The following TSPAN32 variants were observed in gnomAD, a reference collection of about 807,000 sequenced individuals.
TSPAN32 encodes the protein tetraspanin 32.
A neutral mutation model predicts 42.7 loss-of-function variants in TSPAN32; 47 were observed. That is an observed-to-expected ratio of 1.10 (90% CI 0.87 to 1.40). The LOEUF (loss-of-function observed/expected upper bound fraction) is 1.40, where lower values mean the gene tolerates loss of function less well. TSPAN32 is among the 40% of genes most tolerant of loss of function. The pLI is 0.00. For synonymous variants in TSPAN32, 175 were observed against 175.9 expected (o/e 0.99, Z 0.04); for missense variants, 469 against 424.1 (o/e 1.11, Z -0.93).
intron 7 of TSPAN32, 45 bp from the exon 8 acceptor site, chr11:2,316,531 C>A: frequency 1.9e-6 from 3 of 1,609,876 alleles, no homozygotes; most frequent in African/African-American, 1.3e-5. Context: ...GGAGGGGCGC[C>A]CGCACCCTGG....
intron 1 of TSPAN32, 122 bp from the exon 2 acceptor site, chr11:2,302,722 G>A (rs1195162051): frequency 2.6e-6 from 2 of 770,648 alleles, no homozygotes; most frequent in Non-Finnish European, 4.3e-6. Flanking sequence ...AATCCCTGCA[G>A]CTGAGCCTGT....
Position 2,313,821 on chromosome 11 carries a change from G to GGC in TSPAN32, c.456+69_456+70dup. 3 of 1,287,636 alleles carry GGC rather than the reference G, an allele frequency of 2.3e-6. No homozygotes were observed. The highest frequency in any genetic ancestry group is 3.2e-6 in the Non-Finnish European group (3 of 924,300). The allele number at this position is 1,287,636 out of a possible 1,614,324, so 79.8% of individuals were successfully genotyped here. ...TGCTTGGACTGCAGTTCAGAGAACA[G>GGC]GCGCAGGGTGGCCAGTGAGAGGTCT... On this transcript the variant is annotated intron_variant, in intron 5 of 9. Transcript: ENST00000182290. This position sits in a 1 kb window ranked among gnomAD's most constrained non-coding sequence, Gnocchi z 9.1.
intron 6 of TSPAN32, 51 bp downstream of exon 6, chr11:2,314,622 A>T: frequency 6.8e-7 from 1 of 1,481,430 alleles, no homozygotes. Context: ...GGGGCTGGAC[A>T]CCCTGGGGCC....
chr11:2,308,191 G>A (rs1029227799), intron 3 of TSPAN32, among the ~76,000 whole-genome samples: 1 of 152,134 alleles, frequency 6.6e-6, no homozygotes, highest in Non-Finnish European at 1.5e-5. Flanking sequence ...CCCAAAAAGC[G>A]CAGGGGAAGG....
chr11:2,318,066 C>A lies in TSPAN32; in HGVS notation c.*142C>A. On this transcript the variant is annotated 3_prime_UTR_variant, in exon 10 of 10. Coordinates refer to ENST00000182290, the MANE Select transcript of TSPAN32 (RefSeq NM_139022.3). This position sits in a 1 kb window ranked among gnomAD's most constrained non-coding sequence, Gnocchi z 4.2. ...AGTCCTTGTCCCTGGTCCTGTGGTC[C>A]CTCCACCTTCAAACCAGCAATGGTG... 1 of 585,978 alleles carries A rather than the reference C, an allele frequency of 1.7e-6. No individual in the cohort carries two copies. The allele number at this position is 585,978 out of a possible 1,614,324, so 36.3% of individuals were successfully genotyped here.
chr11:2,309,280 C>G, intron 4 of TSPAN32: 1 of 454,832 alleles, frequency 2.2e-6, no homozygotes, highest in Non-Finnish European at 4.7e-6. Context: ...TGGAGACCCG[C>G]GGACTGGGGT....
At position 2,311,889 on chromosome 11, in the gene TSPAN32, C is replaced by T. The variant is rs553197715; in HGVS notation, c.355-1765C>T. On this transcript the variant is annotated intron_variant, in intron 4 of 9. Transcript: ENST00000182290. ...GAAGCATCACCTAGGAGCCCAGGCC[C>T]CGTGGAGAGCAGCCGGCCCGGCCTC... is the stretch of plus-strand genomic sequence containing the variant. Among the ~76,000 whole-genome samples the T allele has an allele frequency of 3.3e-5, 5 of 152,366 alleles. No individual in the cohort carries two copies. In the East Asian group the frequency reaches 7.7e-4, roughly 23 times the overall value.
intron 6 of TSPAN32, chr11:2,315,396 A>T (rs1481328569): frequency 5.3e-6 from 6 of 1,136,208 alleles, no homozygotes; most frequent in Non-Finnish European, 6.5e-6. Context: ...CATTGGGGGC[A>T]GGGCTAACAG....
In TSPAN32 at chr11:2,314,702, T is replaced by C. The variant is rs560046341; in HGVS notation, c.543+131T>C. On this transcript the variant is annotated intron_variant, in intron 6 of 9. Transcript: ENST00000182290. ...TCCCCAGACCCTTGGGAACTGCCGC[T>C]GAAGGGCTCAGGGAAGGTTCTGATG... is the stretch of plus-strand genomic sequence containing the variant. The C allele has an allele frequency of 1.2e-4, 84 of 703,042 alleles. No individual in the cohort carries two copies. In the East Asian group the frequency reaches 2.2e-3, roughly 18 times the overall value. The allele number at this position is 703,042 out of a possible 1,614,324, so 43.6% of individuals were successfully genotyped here. A position where few individuals can be genotyped will look rare whatever the true frequency, so the allele number is the denominator to read the frequency against.
rs1019980927 is a variant in TSPAN32, at chr11:2,304,266, G to A, written c.279+62G>A. 30 of 1,239,338 alleles carry A rather than the reference G, an allele frequency of 2.4e-5. No individual in the cohort carries two copies. In the African/African-American group the frequency reaches 3.0e-4, roughly 13 times the overall value. 76.8% of individuals were successfully genotyped at this position (1,239,338 alleles called of 1,614,324 possible). ...GAAAAGAATTAGAAAGGAGTGAAGA[G>A]CTGGCAGGGCTGTGTGCCACCCCCA... On this transcript the variant is annotated intron_variant, in intron 3 of 9. Coordinates refer to ENST00000182290, the MANE Select transcript of TSPAN32 (RefSeq NM_139022.3). The surrounding 1 kb of genome is among the most constrained non-coding windows in gnomAD (Gnocchi z 4.8).
intron 5 of TSPAN32, 139 bp from the exon 6 acceptor site, chr11:2,314,346 C>A: frequency 1.4e-6 from 1 of 724,342 alleles, no homozygotes; most frequent in Non-Finnish European, 2.5e-6. Flanking sequence ...GCAGAAGCAG[C>A]TGCAATACCA....
intron 6 of TSPAN32, 32 bp from the exon 7 acceptor site, chr11:2,316,197 G>T: frequency 6.5e-7 from 1 of 1,527,990 alleles, no homozygotes; most frequent in Non-Finnish European, 8.8e-7. Context: ...GGGCCGCTCA[G>T]GGCGGGTACC....
intron 3 of TSPAN32, among the ~76,000 whole-genome samples, chr11:2,305,384 A>C (rs11823682): frequency 1.7e-4 from 21 of 122,694 alleles, no homozygotes; most frequent in Middle Eastern, 4.3e-3. Context: ...CCCCCCCCAG[A>C]GGGTGTGTGG....
intron 6 of TSPAN32, chr11:2,315,167 G>A: frequency 1.3e-5 from 4 of 308,444 alleles, no homozygotes; most frequent in Non-Finnish European, 2.3e-5. Context: ...CCCTCCCCCA[G>A]CCCACCCTGC....
intron 4 of TSPAN32, among the ~76,000 whole-genome samples, chr11:2,310,408 C>A (rs1314412653): frequency 2.0e-5 from 3 of 152,194 alleles, no homozygotes; most frequent in Non-Finnish European, 4.4e-5. Context: ...CAGCATCCCC[C>A]ACACACATGG....
At position 2,316,213 on chromosome 11, in the gene TSPAN32, T is replaced by A. The variant is rs768226105; in HGVS notation, c.544-16T>A. ...GGCCGCTCAGGGCGGGTACCATGCC[T>A]GCTGCCCTCTCACAGGACTGCCTTC... On this transcript the variant is annotated splice_polypyrimidine_tract_variant and intron_variant, in intron 6 of 9. Transcript: ENST00000182290. The A allele has an allele frequency of 6.4e-7, 1 of 1,552,510 alleles. No individual in the cohort carries two copies. The highest frequency in any genetic ancestry group is 2.4e-5 in the East Asian group (1 of 42,302).
At position 2,317,742 on chromosome 11, in the gene TSPAN32, A is replaced by T; in HGVS notation, c.902-121A>T. ...GCAGCAGCCCAGGGCAGACTGCAAG[A>T]CACTGGTGGCCCACGGCCTGGAGGG... On this transcript the variant is annotated intron_variant, in intron 9 of 9. Transcript: ENST00000182290. This position sits in a 1 kb window ranked among gnomAD's most constrained non-coding sequence, Gnocchi z 6.2. 4.6e-6 allele frequency: 7 copies of T among 1,522,704 alleles called. No homozygotes were observed. Among genetic ancestry groups the T allele is most frequent in the Non-Finnish European group, 6.1e-6 (7 of 1,143,648 alleles). The allele number at this position is 1,522,704 out of a possible 1,614,324, so 94.3% of individuals were successfully genotyped here.
At chr11:2,308,842 A>G in intron 4 of TSPAN32, 32 bp downstream of exon 4, 1 of 1,459,766 alleles carries the variant, frequency 6.9e-7, no homozygotes, top group Non-Finnish European at 9.4e-7. Flanking sequence ...CCTGCAGTGG[A>G]GGGTCCCCCA....
In TSPAN32 at chr11:2,317,775, C is replaced by A; in HGVS notation, c.902-88C>A. 2 of 1,564,762 alleles carry A rather than the reference C, an allele frequency of 1.3e-6. No individual in the cohort carries two copies. The highest frequency in any genetic ancestry group is 2.3e-5 in the South Asian group (2 of 85,910). On this transcript the variant is annotated intron_variant, in intron 9 of 9. Transcript: ENST00000182290. This position sits in a 1 kb window ranked among gnomAD's most constrained non-coding sequence, Gnocchi z 6.2. ...GGCCCACGGCCTGGAGGGCTCCACC[C>A]AGACACAAGCTGCACTGGTTTTCTA...
Sources: allele counts gnomAD v4.1 joint callset (sites outside exome capture counted in the v4.1 genomes callset), GRCh38; gene constraint gnomAD v4.1.1; non-coding constraint Gnocchi (gnomAD v3.1); transcripts MANE v1.5; gene names NCBI Gene and HGNC (gene_info 2026-07-23, HGNC 2026-07-21).